Variants in SLC14A2 observed in about 807,000 individuals in gnomAD.
The protein encoded by SLC14A2 is urea transporter 2.
In SLC14A2, 91 loss-of-function variants were observed where a neutral mutation model predicts 104.6. That is an observed-to-expected ratio of 0.87 (90% CI 0.73 to 1.04). The LOEUF (loss-of-function observed/expected upper bound fraction) is 1.04, where lower values mean the gene tolerates loss of function less well. Ranked by LOEUF, SLC14A2 falls within the 50% of genes least tolerant of loss-of-function variation. The pLI is 0.00. For missense variants in SLC14A2, 1,189 were observed against 1,156.0 expected (o/e 1.03, Z -0.41); for synonymous variants, 476 against 466.4 (o/e 1.02, Z -0.27).
At chr18:45,653,617 G>A (rs1339951391) in intron 10 of SLC14A2, among the ~76,000 whole-genome samples, 1 of 152,120 alleles carries the variant, frequency 6.6e-6, no homozygotes, top group Admixed American at 6.5e-5. Flanking sequence ...GCAATGGCCA[G>A]CTCCCTAATA....
intron 1 of SLC14A2, among the ~76,000 whole-genome samples, chr18:45,457,970 C>T (rs1041478838): frequency 6.6e-6 from 1 of 152,130 alleles, no homozygotes; most frequent in Non-Finnish European, 1.5e-5. Context: ...GGAGAGGTGA[C>T]AGGGAAGCTG....
At chr18:45,541,618 T>C (rs72902356) in intron 2 of SLC14A2, among the ~76,000 whole-genome samples, 12,372 of 152,320 alleles carry the variant, frequency 0.081, 692 homozygotes, top group Non-Finnish European at 0.12. Context: ...GAAGATATCA[T>C]TCTAGGCCTG....
chr18:45,408,854 A>G (rs1422765864), intron 1 of SLC14A2, among the ~76,000 whole-genome samples: 1 of 152,202 alleles, frequency 6.6e-6, no homozygotes, highest in African/African-American at 2.4e-5. Flanking sequence ...TCTATGACCA[A>G]CTAGCTGTGT....
At chr18:45,469,306 G>C (rs1374060408) in intron 1 of SLC14A2, among the ~76,000 whole-genome samples, 2 of 152,162 alleles carry the variant, frequency 1.3e-5, no homozygotes, top group Non-Finnish European at 2.9e-5. Flanking sequence ...TGATCATAAA[G>C]GAAAGGGAAC....
chr18:45,182,872 C>T, the SLC14A2 span, among the ~76,000 whole-genome samples: 1 of 152,132 alleles, frequency 6.6e-6, no homozygotes, highest in African/African-American at 2.4e-5. Flanking sequence ...TAGGTTAATT[C>T]AATCTGAAGT....
At chr18:45,530,599 G>T (rs898975416) in intron 2 of SLC14A2, among the ~76,000 whole-genome samples, 4 of 152,082 alleles carry the variant, frequency 2.6e-5, no homozygotes, top group African/African-American at 9.7e-5. Context: ...TGTTAGAAAT[G>T]TGTGTCAAAC....
chr18:45,256,872 G>T (rs181967315), intron 1 of SLC14A2, among the ~76,000 whole-genome samples: 3 of 152,354 alleles, frequency 2.0e-5, no homozygotes, highest in African/African-American at 7.2e-5. Flanking sequence ...ACCTTGAAAG[G>T]TCAACCAAAC....
chr18:45,335,840 T>C (rs1389864493), intron 1 of SLC14A2, among the ~76,000 whole-genome samples: 2 of 152,176 alleles, frequency 1.3e-5, no homozygotes, highest in South Asian at 2.1e-4. Flanking sequence ...CCCTGATTCA[T>C]TGGATAAATG....
intron 10 of SLC14A2, among the ~76,000 whole-genome samples, chr18:45,657,253 C>G (rs1448836309): frequency 1.3e-5 from 2 of 152,034 alleles, no homozygotes; most frequent in African/African-American, 4.8e-5. Context: ...GGGTGGATCA[C>G]CTGAGGTCAG....
At chr18:45,282,998 G>A (rs1352739931) in intron 1 of SLC14A2, among the ~76,000 whole-genome samples, 3 of 152,158 alleles carry the variant, frequency 2.0e-5, no homozygotes, top group South Asian at 2.1e-4. Flanking sequence ...ATGGACCTCC[G>A]GCCCGGTTAA....
intron 1 of SLC14A2, among the ~76,000 whole-genome samples, chr18:45,428,992 G>T (rs750365855): frequency 6.6e-6 from 1 of 152,138 alleles, no homozygotes; most frequent in African/African-American, 2.4e-5. Context: ...TGAGAAGATG[G>T]AGTACTAGAT....
At chr18:45,375,498 C>T (rs144674036) in intron 1 of SLC14A2, among the ~76,000 whole-genome samples, 4 of 152,306 alleles carry the variant, frequency 2.6e-5, no homozygotes, top group Admixed American at 1.3e-4. Flanking sequence ...TCAGCACTCT[C>T]AACTCACTGG....
chr18:45,637,288 T>C, intron 6 of SLC14A2, 106 bp downstream of exon 6: 1 of 865,168 alleles, frequency 1.2e-6, no homozygotes, highest in Non-Finnish European at 1.8e-6. Flanking sequence ...TAGAAACATC[T>C]ATACCAGATG....
intron 1 of SLC14A2, among the ~76,000 whole-genome samples, chr18:45,615,856 AG>A: frequency 6.7e-6 from 1 of 150,142 alleles, no homozygotes; most frequent in African/African-American, 2.4e-5. Flanking sequence ...AGAGAGAGAG[AG>A]AGGGAGAGAG....
At chr18:45,185,729 T>TA in the SLC14A2 span, among the ~76,000 whole-genome samples, 24 of 151,516 alleles carry the variant, frequency 1.6e-4, no homozygotes, top group African/African-American at 4.8e-4. Context: ...ATTATTCATG[T>TA]AAAAAAAAAT....
intron 2 of SLC14A2, among the ~76,000 whole-genome samples, chr18:45,505,777 G>A (rs2043274169): frequency 6.6e-6 from 1 of 152,076 alleles, no homozygotes; most frequent in Non-Finnish European, 1.5e-5. Context: ...GCCAGGTTTG[G>A]TTTATTTGTA....
chr18:45,176,440 A>G, the SLC14A2 span, among the ~76,000 whole-genome samples: 1 of 152,112 alleles, frequency 6.6e-6, no homozygotes, highest in Non-Finnish European at 1.5e-5. Context: ...TTTGCACCAT[A>G]TAGAAAATTT....
chr18:45,567,055 AGTGTGTGTGTGTGT>A (rs3058364), intron 2 of SLC14A2, among the ~76,000 whole-genome samples: 492 of 139,890 alleles, frequency 3.5e-3, no homozygotes, highest in African/African-American at 4.9e-3. Context: ...ATGTGCACAT[AGTGTGTGTGTGTGT>A]GTGTGTGTGT....
rs76776182 is a variant in SLC14A2, at chr18:45,329,289, G to A, written c.-125+116098G>A. ...ACAATTATATATTTCTTGCAAGACG[G>A]TGAGGCAAGTTCATTTCAAAGAGAC... On this transcript the variant is annotated intron_variant, in intron 1 of 20. Coordinates refer to the SLC14A2 transcript ENST00000586448. Among the ~76,000 whole-genome samples the A allele has an allele frequency of 8.9e-3, 1,350 of 152,272 alleles. 9 individuals are homozygous for A. The highest frequency in any genetic ancestry group is 0.014 in the Non-Finnish European group (968 of 68,024).
Sources: gnomAD v4.1 joint callset for allele counts (sites outside exome capture counted in the v4.1 genomes callset) on GRCh38, gnomAD v4.1.1 for gene constraint, MANE v1.5 for transcripts, NCBI Gene and HGNC (gene_info 2026-07-23, HGNC 2026-07-21) for gene names.